Variants in SIX1 observed in about 807,000 individuals in gnomAD.
SIX1 encodes the protein SIX homeobox 1.
Under a neutral mutation model 26.5 loss-of-function variants are expected in SIX1, and 11 were observed. The ratio of observed to expected loss-of-function variants is 0.41; its 90% CI spans 0.26 to 0.69. The LOEUF (loss-of-function observed/expected upper bound fraction) is 0.69, where lower values mean the gene tolerates loss of function less well. Ranked by LOEUF, SIX1 falls within the 30% of genes least tolerant of loss-of-function variation. The pLI, the probability that SIX1 is intolerant of heterozygous loss-of-function variation, is 0.28. For synonymous variants in SIX1, 177 were observed against 166.2 expected, an observed-to-expected ratio of 1.06 and a Z score of -0.50; for missense variants, 333 against 365.9, an observed-to-expected ratio of 0.91 and a Z score of 0.73.
chr14:60,649,412 T>C lies in SIX1; in HGVS notation c.-223A>G. ...GACACGGAACGGCCGGCGCACTCAGTAGCCTTTAAGGCCTTGCTGCCTCCG... is the reference window on the plus strand; with the variant it reads ...GACACGGAACGGCCGGCGCACTCAGCAGCCTTTAAGGCCTTGCTGCCTCCG... On this transcript the variant is annotated 5_prime_UTR_variant, in exon 1 of 2. Transcript: ENST00000645694. This position sits in a 1 kb window ranked among gnomAD's most constrained non-coding sequence, Gnocchi z 5.1. 1.8e-6 allele frequency: 1 copy of C among 567,882 alleles called. No individual in the cohort carries two copies. The highest frequency in any genetic ancestry group is 3.0e-5 in the East Asian group (1 of 33,778). 35.2% of individuals were successfully genotyped at this position (567,882 alleles called of 1,614,324 possible).
rs1437154630 is a variant in SIX1, at chr14:60,648,552, C to T, written c.560+78G>A. ...GGCGGGGAGGACTTGGTGGCTGGTG[C>T]CTGCGGGGGCGGGAGGGGGCGGAGG... On this transcript the variant is annotated intron_variant, in intron 1 of 1. Transcript: ENST00000645694. This position sits in a 1 kb window ranked among gnomAD's most constrained non-coding sequence, Gnocchi z 7.9. The T allele has an allele frequency of 4.9e-6, 7 of 1,427,414 alleles. No homozygotes were observed. Among genetic ancestry groups the T allele is most frequent in the Non-Finnish European group, 5.8e-6 (6 of 1,043,002 alleles). 88.4% of individuals were successfully genotyped at this position (1,427,414 alleles called of 1,614,324 possible). A position where few individuals can be genotyped will look rare whatever the true frequency, so the allele number is the denominator to read the frequency against.
chr14:60,649,325 G>C lies in SIX1; in HGVS notation c.-136C>G. ...CTTAGGCTTTGCAAAGGCGAAAACC[G>C]GAGTCGGAACTTGGCGGTGGGCGGC... On this transcript the variant is annotated 5_prime_UTR_variant, in exon 1 of 2. Transcript: ENST00000645694. This position sits in a 1 kb window ranked among gnomAD's most constrained non-coding sequence, Gnocchi z 5.1. The C allele has an allele frequency of 1.3e-6, 1 of 750,730 alleles. No individual in the cohort carries two copies. The highest frequency in any genetic ancestry group is 2.1e-6 in the Non-Finnish European group (1 of 468,840). 46.5% of individuals were successfully genotyped at this position (750,730 alleles called of 1,614,324 possible).
Position 60,648,761 on chromosome 14 carries a change from G to A in SIX1, c.429C>T (p.Tyr143=). The A allele has an allele frequency of 6.2e-7, 1 of 1,614,122 alleles. No individual in the cohort carries two copies. Among genetic ancestry groups the A allele is most frequent in the Non-Finnish European group, 8.5e-7 (1 of 1,179,978 alleles). ...GCGGCGATGGGTAGGGATTGTGCGC[G>A]TACCACTCCCGCAGGACACCCCTCG... ...EKSRGVLREW[Y]AHNPYPSPRE... The change falls in exon 1 of 2, where the codon TAC becomes TAT. Residue 143 remains tyrosine, a synonymous_variant. Coordinates refer to ENST00000645694, the MANE Select transcript of SIX1 (RefSeq NM_005982.4). This position sits in a 1 kb window ranked among gnomAD's most constrained non-coding sequence, Gnocchi z 7.9.
chr14:60,647,783 C>T lies in SIX1; in HGVS notation c.560+847G>A, dbSNP rs1201546964. ...CGTCCTTCTGAATCTCTGTCCGAAACGCTATAGAGAACAGAAGGAGCCTGC... is the reference window on the plus strand; with the variant it reads ...CGTCCTTCTGAATCTCTGTCCGAAATGCTATAGAGAACAGAAGGAGCCTGC... On this transcript the variant is annotated intron_variant, in intron 1 of 1. Transcript: ENST00000645694. This position sits in a 1 kb window ranked among gnomAD's most constrained non-coding sequence, Gnocchi z 5.1. 1.3e-5 allele frequency among the ~76,000 whole-genome samples: 2 copies of T among 152,214 alleles called. No homozygotes were observed. The highest frequency in any genetic ancestry group is 4.8e-5 in the African/African-American group (2 of 41,458).
Position 60,647,689 on chromosome 14 carries a change from T to TG in SIX1, c.560+940dup, listed in dbSNP as rs1894974849. ...AACAAAGGAAAACCTAACCGGCCCCTGCGCTCAGGTTTTCCCCCAAACTCT... is the reference window on the plus strand; with the variant it reads ...AACAAAGGAAAACCTAACCGGCCCCTGGCGCTCAGGTTTTCCCCCAAACTCT... On this transcript the variant is annotated intron_variant, in intron 1 of 1. Coordinates refer to ENST00000645694, the MANE Select transcript of SIX1 (RefSeq NM_005982.4). The surrounding 1 kb of genome is among the most constrained non-coding windows in gnomAD (Gnocchi z 5.1). Among the ~76,000 whole-genome samples the TG allele has an allele frequency of 6.6e-6, 1 of 151,904 alleles. No homozygotes were observed.
rs774904543 is a variant in SIX1, at chr14:60,648,617, G to A, written c.560+13C>T. On this transcript the variant is annotated intron_variant, in intron 1 of 1. Coordinates refer to ENST00000645694, the MANE Select transcript of SIX1 (RefSeq NM_005982.4). The surrounding 1 kb of genome is among the most constrained non-coding windows in gnomAD (Gnocchi z 7.9). ...CCTAGGGTCGCCCGAGTCGCGGGAA[G>A]CACGCCGCGTACCTTTCCTTGGCCT... 1.9e-6 allele frequency: 3 copies of A among 1,604,928 alleles called. No homozygotes were observed. The South Asian group carries it at 3.3e-5, about 18-fold the overall frequency.
chr14:60,648,579 G>C lies in SIX1; in HGVS notation c.560+51C>G. On this transcript the variant is annotated intron_variant, in intron 1 of 1. Coordinates refer to ENST00000645694, the MANE Select transcript of SIX1 (RefSeq NM_005982.4). This position sits in a 1 kb window ranked among gnomAD's most constrained non-coding sequence, Gnocchi z 7.9. ...TGCGGGGGCGGGAGGGGGCGGAGGA[G>C]AAAGGACGGCTTCCTAGGGTCGCCC... 6.5e-7 allele frequency: 1 copy of C among 1,543,226 alleles called. No individual in the cohort carries two copies.
rs1488634497 is a variant in SIX1, at chr14:60,649,288, C to T, written c.-99G>A. The T allele has an allele frequency of 1.9e-6, 2 of 1,063,488 alleles. No individual in the cohort carries two copies. Among genetic ancestry groups the T allele is most frequent in the Admixed American group, 2.3e-5 (1 of 43,276 alleles). 65.9% of individuals were successfully genotyped at this position (1,063,488 alleles called of 1,614,324 possible). A position where few individuals can be genotyped will look rare whatever the true frequency, so the allele number is the denominator to read the frequency against. ...CCGCAGGGAGGGGGGCGCGGCTGTTCCTAACCTCCTCCTTAGGCTTTGCAA... is the reference window on the plus strand; with the variant it reads ...CCGCAGGGAGGGGGGCGCGGCTGTTTCTAACCTCCTCCTTAGGCTTTGCAA... On this transcript the variant is annotated 5_prime_UTR_variant, in exon 1 of 2. Coordinates refer to ENST00000645694, the MANE Select transcript of SIX1 (RefSeq NM_005982.4). This position sits in a 1 kb window ranked among gnomAD's most constrained non-coding sequence, Gnocchi z 5.1.
rs1357305321 is a variant in SIX1, at chr14:60,649,234, G to T, written c.-45C>A. ...GCACGGCCCAGGCGCACGCGGCAGG[G>T]AGCAGAGCCGAGAGGCAGGGGGCGG... On this transcript the variant is annotated 5_prime_UTR_variant, in exon 1 of 2. Coordinates refer to ENST00000645694, the MANE Select transcript of SIX1 (RefSeq NM_005982.4). The surrounding 1 kb of genome is among the most constrained non-coding windows in gnomAD (Gnocchi z 5.1). 2.5e-6 allele frequency: 4 copies of T among 1,570,266 alleles called. No individual in the cohort carries two copies. Among genetic ancestry groups the T allele is most frequent in the South Asian group, 2.2e-5 (2 of 89,452 alleles).
At position 60,649,250 on chromosome 14, in the gene SIX1, C is replaced by T; in HGVS notation, c.-61G>A. The stretch of plus-strand genomic sequence containing the variant: ...CGCGGCAGGGAGCAGAGCCGAGAGG[C>T]AGGGGGCGGCGGCCGCAGGGAGGGG... On this transcript the variant is annotated 5_prime_UTR_variant, in exon 1 of 2. Transcript: ENST00000645694. The surrounding 1 kb of genome is among the most constrained non-coding windows in gnomAD (Gnocchi z 5.1). 1 of 1,509,266 alleles carries T rather than the reference C, an allele frequency of 6.6e-7. No individual in the cohort carries two copies. Among genetic ancestry groups the T allele is most frequent in the African/African-American group, 1.4e-5 (1 of 72,974 alleles). 93.5% of individuals were successfully genotyped at this position (1,509,266 alleles called of 1,614,324 possible). A position where few individuals can be genotyped will look rare whatever the true frequency, so the allele number is the denominator to read the frequency against.
rs1223102250 is a variant in SIX1 at position 60,649,051 on chromosome 14, C to T, written c.139G>A (p.Glu47Lys). ...LPACDHLHKN[E>K]SVLKAKAVVA... is the part of the protein sequence containing the mutation. ...ACCGCCTTGGCCTTGAGTACGCTCT[C>T]GTTCTTGTGCAGGTGGTCGCAGGCG... Residue 47 changes from glutamate (E) to lysine (K), a missense_variant, in exon 1 of 2, where the codon GAG (glutamate) becomes AAG (lysine). This residue lies in a region of SIX1 where 133 missense variants were observed against 131.8 expected (regional missense o/e 1.01). Coordinates refer to ENST00000645694, the MANE Select transcript of SIX1 (RefSeq NM_005982.4). The surrounding 1 kb of genome is among the most constrained non-coding windows in gnomAD (Gnocchi z 5.1). 6.2e-7 allele frequency: 1 copy of T among 1,613,938 alleles called. No individual in the cohort carries two copies. The highest frequency in any genetic ancestry group is 2.2e-5 in the East Asian group (1 of 44,882).
At position 60,647,264 on chromosome 14, in the gene SIX1, A is replaced by T. The variant is rs1279152754; in HGVS notation, c.561-687T>A. ...GACGGCCGTTTTGTAACTAAAGGCT[A>T]ACTGCAACCATACAATCCCTGTTCC... On this transcript the variant is annotated intron_variant, in intron 1 of 1. Transcript: ENST00000645694. This position sits in a 1 kb window ranked among gnomAD's most constrained non-coding sequence, Gnocchi z 5.1. 3.3e-5 allele frequency among the ~76,000 whole-genome samples: 5 copies of T among 152,302 alleles called. No individual in the cohort carries two copies. In the East Asian group the frequency reaches 9.7e-4, roughly 29 times the overall value.
rs7156379 is a variant in SIX1, at chr14:60,643,916, G to C, written c.*2367C>G. On this transcript the variant is annotated 3_prime_UTR_variant, in exon 2 of 2. Coordinates refer to ENST00000645694, the MANE Select transcript of SIX1 (RefSeq NM_005982.4). ...TCACGGGGGCTTTTACAGGACCAGC[G>C]CTCTTGCTCCTCGCCGGATCTGCAG... 0.9 allele frequency: 136,472 copies of C among 151,986 alleles called. 61,463 individuals are homozygous for C. Among genetic ancestry groups the C allele is most frequent in the Non-Finnish European group, 0.92 (62,800 of 67,944 alleles). 9.4% of individuals were successfully genotyped at this position (151,986 alleles called of 1,614,324 possible). A position where few individuals can be genotyped will look rare whatever the true frequency, so the allele number is the denominator to read the frequency against.
In SIX1 at chr14:60,647,420, G is replaced by A. The variant is rs372314652; in HGVS notation, c.561-843C>T. Among the ~76,000 whole-genome samples the A allele has an allele frequency of 6.6e-6, 1 of 152,218 alleles. No individual in the cohort carries two copies. The highest frequency in any genetic ancestry group is 1.5e-5 in the Non-Finnish European group (1 of 68,038). ...CACAGGCTGCCAGCGGGCGCGGCGCGCTGGGGCGTCAGTCCGGGCACTCGG... is the reference window on the plus strand; with the variant it reads ...CACAGGCTGCCAGCGGGCGCGGCGCACTGGGGCGTCAGTCCGGGCACTCGG... On this transcript the variant is annotated intron_variant, in intron 1 of 1. Coordinates refer to ENST00000645694, the MANE Select transcript of SIX1 (RefSeq NM_005982.4). The surrounding 1 kb of genome is among the most constrained non-coding windows in gnomAD (Gnocchi z 5.1).
At position 60,647,942 on chromosome 14, in the gene SIX1, A is replaced by AGCCAGACCGACGGGCTGCAGT. The variant is rs1161644589; in HGVS notation, c.560+667_560+687dup. 2.0e-5 allele frequency among the ~76,000 whole-genome samples: 3 copies of AGCCAGACCGACGGGCTGCAGT among 152,256 alleles called. No homozygotes were observed. The highest frequency in any genetic ancestry group is 2.0e-4 in the Admixed American group (3 of 15,290). On this transcript the variant is annotated intron_variant, in intron 1 of 1. Coordinates refer to ENST00000645694, the MANE Select transcript of SIX1 (RefSeq NM_005982.4). The surrounding 1 kb of genome is among the most constrained non-coding windows in gnomAD (Gnocchi z 5.1). The stretch of plus-strand genomic sequence containing the variant: ...CCTCGTCTGGGCATGCGGCGCGGTC[A>AGCCAGACCGACGGGCTGCAGT]GCCAGACCGACGGGCTGCAGTGCCG...
rs893019043 is a variant in SIX1, at chr14:60,649,011, C to T, written c.179G>A (p.Arg60His). 6.2e-7 allele frequency: 1 copy of T among 1,613,800 alleles called. No homozygotes were observed. The highest frequency in any genetic ancestry group is 8.5e-7 in the Non-Finnish European group (1 of 1,180,000). ...LKAKAVVAFHRGNFRELYKIL... is the reference protein window; with the variant it reads ...LKAKAVVAFHHGNFRELYKIL... ...CTTGTAGAGCTCACGGAAGTTGCCGCGGTGGAAGGCGACCACCGCCTTGGC... is the reference window on the plus strand; with the variant it reads ...CTTGTAGAGCTCACGGAAGTTGCCGTGGTGGAAGGCGACCACCGCCTTGGC... Residue 60 changes from arginine (R) to histidine (H), a missense_variant, in exon 1 of 2, where the codon CGC becomes CAC. Arg to His is a conservative substitution (Grantham distance 29). Transcript: ENST00000645694. This position sits in a 1 kb window ranked among gnomAD's most constrained non-coding sequence, Gnocchi z 5.1.
rs1174540893 is a variant in SIX1 at position 60,645,359 on chromosome 14, G to C, written c.*924C>G. ...ATGCTGTTTTAGTAACAAATACCAG[G>C]TTGCCAGATTCGTTGGCATACCTTT... On this transcript the variant is annotated 3_prime_UTR_variant, in exon 2 of 2. Coordinates refer to ENST00000645694, the MANE Select transcript of SIX1 (RefSeq NM_005982.4). The surrounding 1 kb of genome is among the most constrained non-coding windows in gnomAD (Gnocchi z 4.6). The C allele has an allele frequency of 6.6e-6, 1 of 152,102 alleles. No individual in the cohort carries two copies. Among genetic ancestry groups the C allele is most frequent in the East Asian group, 1.9e-4 (1 of 5,196 alleles). 9.4% of individuals were successfully genotyped at this position (152,102 alleles called of 1,614,324 possible). A position where few individuals can be genotyped will look rare whatever the true frequency, so the allele number is the denominator to read the frequency against.
rs544164466 is a variant in SIX1 at position 60,649,111 on chromosome 14, G to A, written c.79C>T (p.Leu27=). 5 of 1,613,330 alleles carry A rather than the reference G, an allele frequency of 3.1e-6. No homozygotes were observed. Among genetic ancestry groups the A allele is most frequent in the East Asian group, 4.5e-5 (2 of 44,866 alleles). Reference sequence around the variant, plus strand: ...CACAGGAACCTGCCCAGGCGCTCCAGGTTTCCGCCTTGCTGCAGAACCTCG... The same window carrying A: ...CACAGGAACCTGCCCAGGCGCTCCAAGTTTCCGCCTTGCTGCAGAACCTCG... ...VCEVLQQGGN[L]ERLGRFLWSL... is the part of the protein sequence containing the mutation. Residue 27 remains leucine (L), a synonymous_variant, in exon 1 of 2, where the codon CTG becomes TTG. Coordinates refer to ENST00000645694, the MANE Select transcript of SIX1 (RefSeq NM_005982.4). The surrounding 1 kb of genome is among the most constrained non-coding windows in gnomAD (Gnocchi z 5.1).
At position 60,648,980 on chromosome 14, in the gene SIX1, C is replaced by T. The variant is rs1350311733; in HGVS notation, c.210G>A (p.Leu70=). 4 of 1,614,102 alleles carry T rather than the reference C, an allele frequency of 2.5e-6. No homozygotes were observed. In the African/African-American group the frequency reaches 4.0e-5, roughly 16 times the overall value. The change falls in exon 1 of 2, where the codon CTG becomes CTA. Residue 70 remains leucine (L), a synonymous_variant. Transcript: ENST00000645694. This position sits in a 1 kb window ranked among gnomAD's most constrained non-coding sequence, Gnocchi z 7.9. ...TGTGAGGCGAGAACTGGTGGCTCTC[C>T]AGGATCTTGTAGAGCTCACGGAAGT... ...RGNFRELYKI[L]ESHQFSPHNH... is the part of the protein sequence containing the mutation.
Sources: gnomAD v4.1 joint callset for allele counts (sites outside exome capture counted in the v4.1 genomes callset) on GRCh38, gnomAD v4.1.1 for gene constraint, gnomAD v4.1.1 regional missense constraint, Gnocchi (gnomAD v3.1) non-coding constraint, MANE v1.5 for transcripts, NCBI Gene and HGNC (gene_info 2026-07-23, HGNC 2026-07-21) for gene names.